PRELID2: variants seen among roughly 807,000 people sequenced by gnomAD.
The protein encoded by PRELID2 is PRELI domain containing 2, also known as PRELI domain-containing protein 2.
In PRELID2, 25 loss-of-function variants were observed where a neutral mutation model predicts 28.4. The ratio of observed to expected loss-of-function variants is 0.88; its 90% CI spans 0.64 to 1.23. The LOEUF is 1.23. Among genes scored for constraint, PRELID2 ranks in the 50% most tolerant of loss-of-function variants. PRELID2 has a pLI of 0.00. For missense variants in PRELID2, 201 were observed against 214.4 expected (o/e 0.94, Z 0.39); for synonymous variants, 76 against 71.6 (o/e 1.06, Z -0.31).
chr5:145,390,376 C>A, the PRELID2 span, among the ~76,000 whole-genome samples: 1 of 152,134 alleles, frequency 6.6e-6, no homozygotes, highest in Admixed American at 6.5e-5. Flanking sequence ...CTACGGAGGC[C>A]TCAGAAAACT....
chr5:145,762,212 A>G (rs1312487753), intron 6 of PRELID2, among the ~76,000 whole-genome samples: 1 of 152,206 alleles, frequency 6.6e-6, no homozygotes, highest in East Asian at 1.9e-4. Context: ...GGTTATATTC[A>G]GACCTCGACC....
At chr5:145,275,516 C>A in the PRELID2 span, among the ~76,000 whole-genome samples, 1 of 151,810 alleles carries the variant, frequency 6.6e-6, no homozygotes. Flanking sequence ...TGGGGGCAAG[C>A]GGGAGAGATT....
intron 1 of PRELID2, among the ~76,000 whole-genome samples, chr5:145,734,109 A>G (rs1756426991): frequency 6.6e-6 from 1 of 152,076 alleles, no homozygotes; most frequent in African/African-American, 2.4e-5. Context: ...CCCTGCCAAC[A>G]TCTTGATTTT....
chr5:145,244,127 G>C, the PRELID2 span, among the ~76,000 whole-genome samples: 1 of 151,962 alleles, frequency 6.6e-6, no homozygotes, highest in Admixed American at 6.6e-5. Flanking sequence ...ATAATTTTTT[G>C]TATTTTCAGT....
At chr5:145,779,406 G>C (rs1342810122) in intron 5 of PRELID2, among the ~76,000 whole-genome samples, 1 of 151,980 alleles carries the variant, frequency 6.6e-6, no homozygotes, top group Non-Finnish European at 1.5e-5. Context: ...AATGGTAAAA[G>C]TGGAAATAAC....
the PRELID2 span, among the ~76,000 whole-genome samples, chr5:145,432,869 T>C: frequency 6.6e-6 from 1 of 152,194 alleles, no homozygotes; most frequent in Admixed American, 6.5e-5. Context: ...AAACTTTTTC[T>C]CTTTATTTGT....
the PRELID2 span, among the ~76,000 whole-genome samples, chr5:145,326,741 C>G: frequency 6.6e-6 from 1 of 151,884 alleles, no homozygotes; most frequent in African/African-American, 2.4e-5. Context: ...ATAGTAACCT[C>G]AAACTCCTAC....
At chr5:145,652,678 T>A in intron 1 of PRELID2, among the ~76,000 whole-genome samples, 1 of 152,054 alleles carries the variant, frequency 6.6e-6, no homozygotes, top group Non-Finnish European at 1.5e-5. Context: ...AGAAATAAAA[T>A]CCTTTACAGA....
intron 5 of PRELID2, among the ~76,000 whole-genome samples, chr5:145,767,512 A>G (rs536114666): frequency 6.6e-6 from 1 of 152,288 alleles, no homozygotes; most frequent in African/African-American, 2.4e-5. Context: ...TAAGCCATCT[A>G]TGAATGACAA....
intron 1 of PRELID2, among the ~76,000 whole-genome samples, chr5:145,724,555 C>T (rs1341137173): frequency 6.2e-5 from 8 of 128,058 alleles, no homozygotes; most frequent in African/African-American, 1.6e-4. Flanking sequence ...TGTTATTCCT[C>T]GTTGATGTTT....
chr5:145,271,466 T>A, the PRELID2 span, among the ~76,000 whole-genome samples: 4 of 152,142 alleles, frequency 2.6e-5, no homozygotes, highest in Non-Finnish European at 5.9e-5. Context: ...TCCTCCTACC[T>A]CAGCCTCCCA....
intron 1 of PRELID2, among the ~76,000 whole-genome samples, chr5:145,597,720 T>A (rs1580992651): frequency 6.6e-6 from 1 of 152,298 alleles, no homozygotes; most frequent in African/African-American, 2.4e-5. Flanking sequence ...TAATAATCAC[T>A]ATCAGAAGGG....
At chr5:145,456,461 C>T in the PRELID2 span, among the ~76,000 whole-genome samples, 46 of 152,260 alleles carry the variant, frequency 3.0e-4, no homozygotes, top group African/African-American at 1.0e-3. Context: ...CATCCTTTAG[C>T]TTTCAAGTCT....
intron 1 of PRELID2, among the ~76,000 whole-genome samples, chr5:145,731,329 G>A (rs1756340029): frequency 6.6e-6 from 1 of 152,120 alleles, no homozygotes; most frequent in Non-Finnish European, 1.5e-5. Flanking sequence ...CCATAATCCT[G>A]CTCCATTCCT....
chr5:145,436,763 AG>A, the PRELID2 span, among the ~76,000 whole-genome samples: 7 of 152,278 alleles, frequency 4.6e-5, no homozygotes, highest in African/African-American at 1.4e-4. Flanking sequence ...GCTCACAGAA[AG>A]CACTCACTGA....
At chr5:145,342,627 G>C in the PRELID2 span, among the ~76,000 whole-genome samples, 2 of 151,720 alleles carry the variant, frequency 1.3e-5, no homozygotes, top group Non-Finnish European at 2.9e-5. Flanking sequence ...ATATTTTGAA[G>C]TATTAATCTG....
intron 1 of PRELID2, among the ~76,000 whole-genome samples, chr5:145,520,956 T>G (rs528983841): frequency 2.6e-5 from 4 of 152,324 alleles, no homozygotes; most frequent in African/African-American, 7.2e-5. Flanking sequence ...TGCATTAACG[T>G]GTTCCCATTT....
intron 1 of PRELID2, among the ~76,000 whole-genome samples, chr5:145,659,758 G>C (rs1038521297): frequency 3.3e-5 from 5 of 152,208 alleles, no homozygotes; most frequent in African/African-American, 7.2e-5. Flanking sequence ...TTTCCAGAGA[G>C]AGCAATTCAA....
chr5:145,549,203 G>A (rs986718854), intron 1 of PRELID2, among the ~76,000 whole-genome samples: 2 of 152,134 alleles, frequency 1.3e-5, no homozygotes, highest in Non-Finnish European at 2.9e-5. Context: ...TTAGGTGTCT[G>A]CTTCTCAGCT....
Sources: allele counts gnomAD v4.1 joint callset (sites outside exome capture counted in the v4.1 genomes callset), GRCh38; gene constraint gnomAD v4.1.1; transcripts MANE v1.5; gene names NCBI Gene and HGNC (gene_info 2026-07-23, HGNC 2026-07-21).